MYRIP: variants seen among roughly 807,000 people sequenced by gnomAD.
MYRIP encodes the protein rab effector MyRIP.
In MYRIP, 49 loss-of-function variants were observed where a neutral mutation model predicts 98.0. The ratio of observed to expected loss-of-function variants is 0.50; its 90% CI spans 0.40 to 0.63. MYRIP has a LOEUF of 0.63. MYRIP is among the 30% of genes least tolerant of loss of function. MYRIP has a pLI of 0.00. For synonymous variants in MYRIP, 404 were observed against 409.5 expected (o/e 0.99, Z 0.16); for missense variants, 1,004 against 1,058.2 (o/e 0.95, Z 0.71).
chr3:40,254,781 T>A (rs1953518633), intron 16 of MYRIP, among the ~76,000 whole-genome samples: 1 of 152,140 alleles, frequency 6.6e-6, no homozygotes, highest in African/African-American at 2.4e-5. Flanking sequence ...CATGTCAAAA[T>A]TTTGGCAAAT....
chr3:40,244,164 C>G (rs1280325381), intron 12 of MYRIP, among the ~76,000 whole-genome samples: 1 of 152,140 alleles, frequency 6.6e-6, no homozygotes, highest in Non-Finnish European at 1.5e-5. Flanking sequence ...ATTCGCATAG[C>G]TGATGTCATG....
chr3:39,819,595 C>A (rs1279552709), intron 1 of MYRIP, among the ~76,000 whole-genome samples: 1 of 152,174 alleles, frequency 6.6e-6, no homozygotes, highest in Non-Finnish European at 1.5e-5. Flanking sequence ...GGGGTAACTG[C>A]AAAGTAACAC....
chr3:39,816,352 G>A (rs1165834989), intron 1 of MYRIP, among the ~76,000 whole-genome samples: 1 of 152,146 alleles, frequency 6.6e-6, no homozygotes, highest in Non-Finnish European at 1.5e-5. Context: ...AAAGTGCTGG[G>A]ATTACAGGCG....
chr3:40,106,859 T>C (rs1949058199), intron 3 of MYRIP, among the ~76,000 whole-genome samples: 1 of 152,306 alleles, frequency 6.6e-6, no homozygotes, highest in Admixed American at 6.5e-5. Context: ...CCTCCTTTTT[T>C]CTTTGTGTCC....
chr3:40,202,193 A>T (rs73827344), intron 10 of MYRIP, among the ~76,000 whole-genome samples: 2 of 152,178 alleles, frequency 1.3e-5, no homozygotes, highest in South Asian at 2.1e-4. Context: ...ACATAAGGAT[A>T]TATTCAACAA....
chr3:40,243,815 C>T (rs2125712658), intron 12 of MYRIP, among the ~76,000 whole-genome samples: 1 of 152,262 alleles, frequency 6.6e-6, no homozygotes, highest in Non-Finnish European at 1.5e-5. Context: ...ATCAGACTTG[C>T]TCTCTTATTT....
intron 2 of MYRIP, among the ~76,000 whole-genome samples, chr3:39,914,099 A>G (rs906725829): frequency 1.3e-5 from 2 of 152,184 alleles, no homozygotes; most frequent in African/African-American, 4.8e-5. Flanking sequence ...CATACAAGAG[A>G]TTCCTCTTAG....
intron 10 of MYRIP, among the ~76,000 whole-genome samples, chr3:40,203,655 A>ATATATATTTATATATTTT (rs1951634383): frequency 7.8e-6 from 1 of 128,660 alleles, no homozygotes; most frequent in South Asian, 2.2e-4. Flanking sequence ...ATATAAATAT[A>ATATATATTTATATATTTT]TATATATTTA....
At chr3:39,907,690 G>A (rs574797476) in intron 2 of MYRIP, among the ~76,000 whole-genome samples, 3 of 152,326 alleles carry the variant, frequency 2.0e-5, no homozygotes, top group East Asian at 3.9e-4. Context: ...CTAAGTAATA[G>A]AGTTTTTGAG....
chr3:39,814,249 C>T (rs1008739027), intron 1 of MYRIP, among the ~76,000 whole-genome samples: 2 of 152,176 alleles, frequency 1.3e-5, no homozygotes, highest in African/African-American at 4.8e-5. Flanking sequence ...TCCTTGTATT[C>T]CCATATCTTT....
chr3:39,943,612 C>A (rs957717181), intron 2 of MYRIP, among the ~76,000 whole-genome samples: 2 of 152,046 alleles, frequency 1.3e-5, no homozygotes, highest in African/African-American at 2.4e-5. Flanking sequence ...AGTACATCCC[C>A]CTCTTAATTA....
intron 2 of MYRIP, among the ~76,000 whole-genome samples, chr3:40,016,490 T>C (rs1470683972): frequency 1.3e-5 from 2 of 152,132 alleles, no homozygotes; most frequent in Non-Finnish European, 2.9e-5. Context: ...CCAGCCCTCT[T>C]ACTTCAGGTG....
chr3:40,160,920 T>A (rs955298847), intron 4 of MYRIP, among the ~76,000 whole-genome samples: 2 of 152,198 alleles, frequency 1.3e-5, no homozygotes, highest in South Asian at 4.1e-4. Context: ...CCTAGTGAGA[T>A]GAACCTGGTA....
At chr3:40,255,384 G>A (rs1455114052) in intron 16 of MYRIP, among the ~76,000 whole-genome samples, 4 of 152,068 alleles carry the variant, frequency 2.6e-5, no homozygotes, top group African/African-American at 4.8e-5. Context: ...GTACAACCTC[G>A]TGAACATACT....
chr3:39,959,705 A>G (rs1945273188), intron 2 of MYRIP, among the ~76,000 whole-genome samples: 1 of 152,034 alleles, frequency 6.6e-6, no homozygotes, highest in African/African-American at 2.4e-5. Context: ...ACTGAATCTT[A>G]GTTTATAATT....
chr3:39,978,213 C>A (rs1945803167), intron 2 of MYRIP, among the ~76,000 whole-genome samples: 1 of 152,172 alleles, frequency 6.6e-6, no homozygotes, highest in Non-Finnish European at 1.5e-5. Flanking sequence ...TAGAAATTAG[C>A]AATGGCTATC....
rs533514833 is a variant in MYRIP at position 39,838,633 on chromosome 3, G to C, written c.-31+28717G>C. On this transcript the variant is annotated intron_variant, in intron 1 of 16. Coordinates refer to ENST00000302541, the MANE Select transcript of MYRIP (RefSeq NM_015460.4). The stretch of plus-strand genomic sequence containing the variant: ...TGCTAGTATCTTATTGAGGATTTTC[G>C]CATTGATGTTCTTCAGGGTTATTGG... Among the ~76,000 whole-genome samples the C allele has an allele frequency of 2.6e-4, 40 of 151,980 alleles. 4 individuals carry two copies. In the South Asian group the frequency reaches 8.0e-3, roughly 30 times the overall value.
chr3:40,026,452 A>G (rs1383967929), intron 2 of MYRIP, among the ~76,000 whole-genome samples: 1 of 152,174 alleles, frequency 6.6e-6, no homozygotes, highest in Non-Finnish European at 1.5e-5. Context: ...ACTTAACCCA[A>G]TCATCACAGG....
At chr3:39,874,282 G>T (rs1271108287) in intron 1 of MYRIP, among the ~76,000 whole-genome samples, 1 of 152,020 alleles carries the variant, frequency 6.6e-6, no homozygotes, top group African/African-American at 2.4e-5. Context: ...CATGTCATCT[G>T]CAAACAGGGA....
Sources: allele counts gnomAD v4.1 joint callset (sites outside exome capture counted in the v4.1 genomes callset), GRCh38; gene constraint gnomAD v4.1.1; transcripts MANE v1.5; gene names NCBI Gene and HGNC (gene_info 2026-07-23, HGNC 2026-07-21).